The following SEPTIN14 variants were observed in gnomAD, a reference collection of about 807,000 sequenced individuals.
The protein encoded by SEPTIN14 is septin-14.
Under a neutral mutation model 53.6 loss-of-function variants are expected in SEPTIN14, and 40 were observed. The ratio of observed to expected loss-of-function variants is 0.75; its 90% confidence interval spans 0.58 to 0.97. The LOEUF (loss-of-function observed/expected upper bound fraction) is 0.97, where lower values mean the gene tolerates loss of function less well. Ranked by LOEUF, SEPTIN14 falls within the 50% of genes least tolerant of loss-of-function variation. SEPTIN14 has a pLI of 0.00. For missense variants in SEPTIN14, 471 were observed against 508.2 expected, an observed-to-expected ratio of 0.93 and a Z score of 0.70; for synonymous variants, 138 against 166.8, an observed-to-expected ratio of 0.83 and a Z score of 1.33.
At position 55,844,626 on chromosome 7, in the gene SEPTIN14, C is replaced by T. The variant is rs1789369561; in HGVS notation, c.268G>A (p.Gly90Arg). ...AGTTCATATGTCTGAATTTGAAGTC[C>T]AACATTTGAGTAAAAATGTGAGGAT... ...NKSSHFYSNV[G>R]LQIQTYELQE... Residue 90 changes from glycine (G) to arginine (R), a missense_variant, in exon 4 of 10, where the codon GGA (glycine) becomes AGA (arginine). Gly to Arg is a moderately radical substitution (Grantham distance 125, BLOSUM62 -2). Coordinates refer to ENST00000388975, the MANE Select transcript of SEPTIN14 (RefSeq NM_207366.3). The T allele has an allele frequency of 6.2e-7, 1 of 1,607,790 alleles. No individual in the cohort carries two copies. The highest frequency in any genetic ancestry group is 1.3e-5 in the African/African-American group (1 of 74,770).
intron 5 of SEPTIN14, among the ~76,000 whole-genome samples, chr7:55,835,497 T>C (rs1789190480): frequency 6.6e-6 from 1 of 152,130 alleles, no homozygotes; most frequent in Non-Finnish European, 1.5e-5. Flanking sequence ...CCACCGTGCC[T>C]GGTCTATTTA....
At chr7:55,858,826 G>T (rs556713891) in intron 2 of SEPTIN14, among the ~76,000 whole-genome samples, 2 of 151,690 alleles carry the variant, frequency 1.3e-5, no homozygotes, top group African/African-American at 4.9e-5. Context: ...AGCCCATAGG[G>T]TAGTAAGAAT....
chr7:55,834,936 C>T (rs893772938), intron 5 of SEPTIN14, among the ~76,000 whole-genome samples: 1 of 152,106 alleles, frequency 6.6e-6, no homozygotes. Flanking sequence ...TGAGCCACTG[C>T]GCCCAGCCAT....
intron 5 of SEPTIN14, among the ~76,000 whole-genome samples, chr7:55,835,034 A>G (rs1562714886): frequency 6.6e-6 from 1 of 152,200 alleles, no homozygotes; most frequent in Admixed American, 6.6e-5. Context: ...TTTCTTAAAA[A>G]TTATTTTCCA....
Position 55,823,410 on chromosome 7 carries a change from A to G in SEPTIN14, c.721-4187T>C, listed in dbSNP as rs985235018. ...CCACTGAGAGCTGTTCCATCACTCAATAAAATTCTTCTGTCTTCCTCATCC... is the reference window on the plus strand; with the variant it reads ...CCACTGAGAGCTGTTCCATCACTCAGTAAAATTCTTCTGTCTTCCTCATCC... On this transcript the variant is annotated intron_variant, in intron 6 of 9. Transcript: ENST00000388975. 3.3e-4 allele frequency among the ~76,000 whole-genome samples: 50 copies of G among 152,154 alleles called. 1 individual carries two copies. Among genetic ancestry groups the G allele is most frequent in the African/African-American group, 1.2e-3 (50 of 41,422 alleles).
In SEPTIN14 at chr7:55,795,868, T is replaced by C. The variant is rs1157877587; in HGVS notation, c.*45A>G. 7.6e-7 allele frequency: 1 copy of C among 1,316,590 alleles called. No homozygotes were observed. Among genetic ancestry groups the C allele is most frequent in the African/African-American group, 1.5e-5 (1 of 68,796 alleles). The allele number at this position is 1,316,590 out of a possible 1,614,324, so 81.6% of individuals were successfully genotyped here. The stretch of plus-strand genomic sequence containing the variant: ...GCTACAAAGACAATCTCACAGGAAG[T>C]TGCGATGTAGAATGATAGGGCTCTC... On this transcript the variant is annotated 3_prime_UTR_variant, in exon 10 of 10. Coordinates refer to ENST00000388975, the MANE Select transcript of SEPTIN14 (RefSeq NM_207366.3).
Position 55,795,898 on chromosome 7 carries a change from T to G in SEPTIN14, c.*15A>C. The G allele has an allele frequency of 1.3e-6, 2 of 1,569,648 alleles. No homozygotes were observed. The highest frequency in any genetic ancestry group is 1.7e-6 in the Non-Finnish European group (2 of 1,155,906). On this transcript the variant is annotated 3_prime_UTR_variant, in exon 10 of 10. Coordinates refer to ENST00000388975, the MANE Select transcript of SEPTIN14 (RefSeq NM_207366.3). Reference sequence around the variant, plus strand: ...ATGTAGAATGATAGGGCTCTCAGAATAGTAAGAGAAACTATTATTTCTTAC... The same window carrying G: ...ATGTAGAATGATAGGGCTCTCAGAAGAGTAAGAGAAACTATTATTTCTTAC...
At chr7:55,800,141 C>T (rs1231063115) in intron 9 of SEPTIN14, among the ~76,000 whole-genome samples, 2 of 152,054 alleles carry the variant, frequency 1.3e-5, no homozygotes, top group Non-Finnish European at 2.9e-5. Flanking sequence ...CTGTCCACAA[C>T]AGATGAGTGG....
At chr7:55,815,350 A>G (rs1213035511) in intron 7 of SEPTIN14, among the ~76,000 whole-genome samples, 1 of 152,206 alleles carries the variant, frequency 6.6e-6, no homozygotes, top group Non-Finnish European at 1.5e-5. Context: ...ACACAATGAG[A>G]AAATATTTGC....
chr7:55,811,260 T>C, intron 7 of SEPTIN14: 1 of 522,466 alleles, frequency 1.9e-6, no homozygotes, highest in Non-Finnish European at 3.9e-6. Flanking sequence ...GTAGAGTTTA[T>C]CCACCTCCTT....
intron 3 of SEPTIN14, 84 bp downstream of exon 3, chr7:55,846,433 A>G: frequency 1.1e-6 from 1 of 906,914 alleles, no homozygotes; most frequent in Non-Finnish European, 1.7e-6. Context: ...AATTAATAGC[A>G]TCAATGTTAC....
At chr7:55,820,705 C>T (rs146127146) in intron 6 of SEPTIN14, among the ~76,000 whole-genome samples, 2,190 of 152,082 alleles carry the variant, frequency 0.014, 62 homozygotes, top group African/African-American at 0.049. Flanking sequence ...TTTGGGAGGC[C>T]GAGGTGGGCG....
Position 55,851,825 on chromosome 7 carries a change from G to A in SEPTIN14, c.55-5188C>T, listed in dbSNP as rs545566017. ...AGATCAAGACCAACCTGGCTAACAC[G>A]GTGAAACCCTGTCTCTACTAAAAAT... On this transcript the variant is annotated intron_variant, in intron 2 of 9. Coordinates refer to ENST00000388975, the MANE Select transcript of SEPTIN14 (RefSeq NM_207366.3). 2.1e-4 allele frequency among the ~76,000 whole-genome samples: 31 copies of A among 150,334 alleles called. No individual in the cohort carries two copies. The East Asian group carries it at 5.1e-3, about 25-fold the overall frequency.
chr7:55,798,649 A>G, intron 9 of SEPTIN14: 1 of 333,840 alleles, frequency 3.0e-6, no homozygotes, highest in Admixed American at 3.4e-5. Flanking sequence ...ATCTTCAGCA[A>G]GCGGCACCAG....
intron 8 of SEPTIN14, 110 bp downstream of exon 8, chr7:55,806,980 G>A: frequency 1.3e-6 from 1 of 771,080 alleles, no homozygotes; most frequent in South Asian, 2.6e-5. Flanking sequence ...TCTTTATGAT[G>A]GCTCAAGATG....
chr7:55,811,564 T>C (rs1788706557), intron 7 of SEPTIN14, among the ~76,000 whole-genome samples: 1 of 145,406 alleles, frequency 6.9e-6, no homozygotes, highest in Admixed American at 7.1e-5. Context: ...TGTAGTGGTG[T>C]GATCTCAGCT....
chr7:55,830,345 ATATATTTTT>A (rs1474570422), intron 6 of SEPTIN14, among the ~76,000 whole-genome samples: 2 of 40,104 alleles, frequency 5.0e-5, no homozygotes, highest in Admixed American at 3.2e-4. Context: ...ATATATATAT[ATATATTTTT>A]TTTTTTTTTT....
At chr7:55,858,536 G>T (rs1789687735) in intron 2 of SEPTIN14, among the ~76,000 whole-genome samples, 1 of 152,128 alleles carries the variant, frequency 6.6e-6, no homozygotes, top group Non-Finnish European at 1.5e-5. Context: ...CAGGCGCAGT[G>T]GCTCATGCCT....
chr7:55,799,565 T>G (rs4510809), intron 9 of SEPTIN14, among the ~76,000 whole-genome samples: 1 of 145,446 alleles, frequency 6.9e-6, no homozygotes, highest in Non-Finnish European at 1.5e-5. Flanking sequence ...AGATATTCCA[T>G]GCAAATTATA....
Sources: allele counts gnomAD v4.1 joint callset (sites outside exome capture counted in the v4.1 genomes callset), GRCh38; gene constraint gnomAD v4.1.1; transcripts MANE v1.5; gene names NCBI Gene and HGNC (gene_info 2026-07-23, HGNC 2026-07-21).